XIRP2: variants seen among roughly 807,000 people sequenced by gnomAD.
XIRP2 encodes the protein xin actin binding repeat containing 2.
XIRP2 carries 236 observed loss-of-function variants against 277.0 expected under a neutral mutation model. That is an observed-to-expected ratio of 0.85 (90% confidence interval 0.77 to 0.95). The LOEUF is 0.95. XIRP2 is among the 40% of genes least tolerant of loss of function. The pLI, the probability that XIRP2 is intolerant of heterozygous loss-of-function variation, is 0.00. For missense variants in XIRP2, 4,640 were observed against 4,157.5 expected, an observed-to-expected ratio of 1.12 and a Z score of -3.19; for synonymous variants, 1,490 against 1,416.5, an observed-to-expected ratio of 1.05 and a Z score of -1.17.
At chr2:167,103,256 A>G (rs1574257667) in intron 2 of XIRP2, among the ~76,000 whole-genome samples, 1 of 152,264 alleles carries the variant, frequency 6.6e-6, no homozygotes, top group East Asian at 1.9e-4. Flanking sequence ...ATTTCTTATT[A>G]TTATTACTTA....
At chr2:167,071,968 G>A (rs1689448641) in intron 2 of XIRP2, among the ~76,000 whole-genome samples, 1 of 152,136 alleles carries the variant, frequency 6.6e-6, no homozygotes, top group Non-Finnish European at 1.5e-5. Context: ...ATAAATATTT[G>A]TGAGACACTG....
chr2:167,002,119 T>C (rs1687390656), intron 2 of XIRP2, among the ~76,000 whole-genome samples: 1 of 152,096 alleles, frequency 6.6e-6, no homozygotes, highest in Admixed American at 6.6e-5. Flanking sequence ...AAAGTTTACA[T>C]GGCTTGTTTC....
chr2:167,018,742 A>G (rs1331487027), intron 2 of XIRP2, among the ~76,000 whole-genome samples: 1 of 152,044 alleles, frequency 6.6e-6, no homozygotes, highest in Non-Finnish European at 1.5e-5. Context: ...AACCTGAAGA[A>G]CCATTTCCTA....
At chr2:167,146,787 A>G (rs1691875833) in intron 3 of XIRP2, among the ~76,000 whole-genome samples, 1 of 152,122 alleles carries the variant, frequency 6.6e-6, no homozygotes, top group Non-Finnish European at 1.5e-5. Flanking sequence ...ATATCATAGT[A>G]AATAAAAAGG....
chr2:166,895,701 C>T (rs1327626820), intron 1 of XIRP2, among the ~76,000 whole-genome samples: 1 of 152,068 alleles, frequency 6.6e-6, no homozygotes, highest in Non-Finnish European at 1.5e-5. Context: ...AGGCGTTACC[C>T]TCTGTTCATT....
intron 2 of XIRP2, among the ~76,000 whole-genome samples, chr2:166,978,521 C>CTATT (rs1412855448): frequency 2.0e-5 from 3 of 151,930 alleles, no homozygotes; most frequent in Admixed American, 6.6e-5. Flanking sequence ...GTATATCGTT[C>CTATT]TATTTATTTA....
intron 2 of XIRP2, among the ~76,000 whole-genome samples, chr2:166,966,301 A>T (rs1686431481): frequency 6.6e-6 from 1 of 151,852 alleles, no homozygotes; most frequent in African/African-American, 2.4e-5. Context: ...TTGAAAACCA[A>T]ATCACTAATG....
At chr2:166,914,015 A>G (rs1684790968) in intron 2 of XIRP2, among the ~76,000 whole-genome samples, 1 of 152,238 alleles carries the variant, frequency 6.6e-6, no homozygotes, top group African/African-American at 2.4e-5. Context: ...TATGTTATCC[A>G]ACATGTCAAA....
intron 2 of XIRP2, among the ~76,000 whole-genome samples, chr2:167,080,086 T>A (rs1046836603): frequency 6.6e-6 from 1 of 152,102 alleles, no homozygotes; most frequent in Non-Finnish European, 1.5e-5. Context: ...GTTAGGAGAC[T>A]ATTGCAATAA....
intron 2 of XIRP2, among the ~76,000 whole-genome samples, chr2:166,932,686 G>A (rs1254245020): frequency 6.6e-6 from 1 of 151,700 alleles, no homozygotes; most frequent in East Asian, 1.9e-4. Context: ...ATTTAGTTCT[G>A]GTAGTTCAAT....
intron 2 of XIRP2, among the ~76,000 whole-genome samples, chr2:166,914,923 G>A (rs572460956): frequency 1.3e-5 from 2 of 152,150 alleles, no homozygotes; most frequent in African/African-American, 2.4e-5. Flanking sequence ...TAATTCATCT[G>A]TCTTGATCTT....
intron 5 of XIRP2, 36 bp from the exon 6 acceptor site, chr2:167,239,819 T>C: frequency 6.4e-7 from 1 of 1,553,552 alleles, no homozygotes; most frequent in South Asian, 1.2e-5. Context: ...TTTTTACTTT[T>C]CTTAAGGCAT....
intron 5 of XIRP2, among the ~76,000 whole-genome samples, chr2:167,222,647 G>A (rs551356425): frequency 2.6e-4 from 40 of 152,202 alleles, no homozygotes; most frequent in African/African-American, 9.6e-4. Flanking sequence ...TGAGAGGGGT[G>A]TCTTTTTATC....
chr2:166,929,504 C>G (rs75614178), intron 2 of XIRP2, among the ~76,000 whole-genome samples: 2 of 152,162 alleles, frequency 1.3e-5, no homozygotes, highest in East Asian at 3.9e-4. Flanking sequence ...GGTGTCTGTA[C>G]CAAAAGTTGT....
At chr2:167,129,965 C>T (rs375888026) in intron 2 of XIRP2, among the ~76,000 whole-genome samples, 10 of 151,912 alleles carry the variant, frequency 6.6e-5, no homozygotes, top group Middle Eastern at 3.2e-3. Flanking sequence ...TTTGAAGAGT[C>T]ATAAAACTAG....
At chr2:167,214,425 C>T (rs896177255) in intron 4 of XIRP2, among the ~76,000 whole-genome samples, 8 of 143,592 alleles carry the variant, frequency 5.6e-5, no homozygotes, top group African/African-American at 1.5e-4. Context: ...TGCAGTGAGC[C>T]GAGATCGTGC....
Position 167,218,152 on chromosome 2 carries a change from TTAAATC to T in XIRP2, c.724-13_724-8del. 1 of 1,536,098 alleles carries T rather than the reference TTAAATC, an allele frequency of 6.5e-7. No homozygotes were observed. Among genetic ancestry groups the T allele is most frequent in the South Asian group, 1.3e-5 (1 of 77,782 alleles). ...CTGTAAAGCTGAATTTTCCTTTTTCTTAAATCATCCTAGATGATGGAAGAATCAGAA... is the reference window on the plus strand; with the variant it reads ...CTGTAAAGCTGAATTTTCCTTTTTCTATCCTAGATGATGGAAGAATCAGAA... On this transcript the variant is annotated splice_polypyrimidine_tract_variant and splice_region_variant and intron_variant, in intron 4 of 10. Transcript: ENST00000409195.
At chr2:166,939,098 G>A (rs777445680) in intron 2 of XIRP2, among the ~76,000 whole-genome samples, 3 of 152,130 alleles carry the variant, frequency 2.0e-5, no homozygotes, top group Admixed American at 1.3e-4. Context: ...TCAATTTAAG[G>A]TTAATATAGT....
At chr2:166,930,782 T>C (rs2105368085) in intron 2 of XIRP2, among the ~76,000 whole-genome samples, 1 of 152,320 alleles carries the variant, frequency 6.6e-6, no homozygotes, top group African/African-American at 2.4e-5. Context: ...TCTCTTTTCT[T>C]CCACTCTAGA....
Sources: allele counts gnomAD v4.1 joint callset (sites outside exome capture counted in the v4.1 genomes callset), GRCh38; gene constraint gnomAD v4.1.1; transcripts MANE v1.5; gene names NCBI Gene and HGNC (gene_info 2026-07-23, HGNC 2026-07-21).